Variants in TRPS1 observed in about 807,000 individuals in gnomAD.
TRPS1 encodes the protein zinc finger transcription factor Trps1.
TRPS1 carries 6 observed loss-of-function variants against 101.2 expected under a neutral mutation model. The observed-to-expected ratio is 0.06, with a 90% confidence interval of 0.03 to 0.12. TRPS1 has a LOEUF of 0.12. TRPS1 is among the 10% of genes least tolerant of loss of function. The pLI, the probability that TRPS1 is intolerant of heterozygous loss-of-function variation, is 1.00. For synonymous variants in TRPS1, 578 were observed against 589.8 expected, an observed-to-expected ratio of 0.98 and a Z score of 0.29; for missense variants, 1,363 against 1,567.0, an observed-to-expected ratio of 0.87 and a Z score of 2.20.
rs765333232 is a variant in TRPS1, at chr8:115,492,480, TGCGTGC to T, written c.2701-74034_2701-74029del. 8.6e-5 allele frequency among the ~76,000 whole-genome samples: 10 copies of T among 116,124 alleles called. No homozygotes were observed. In the East Asian group the frequency reaches 1.9e-3, roughly 22 times the overall value. 76.2% of individuals were successfully genotyped at this position (116,124 alleles called of 152,430 possible). On this transcript the variant is annotated intron_variant, in intron 5 of 6. Coordinates refer to ENST00000395715, the MANE Select transcript of TRPS1 (RefSeq NM_014112.5). ...CACTGTGTGTGTGTGTGTGTGTGTGTGCGTGCGTGTGCGTGTTCGTGTGTGTGTGTA... is the reference window on the plus strand; with the variant it reads ...CACTGTGTGTGTGTGTGTGTGTGTGTGTGTGCGTGTTCGTGTGTGTGTGTA...
chr8:115,472,872 C>T (rs1054980411), intron 5 of TRPS1, among the ~76,000 whole-genome samples: 1 of 152,202 alleles, frequency 6.6e-6, no homozygotes, highest in East Asian at 1.9e-4. Context: ...CAGCAAGAGT[C>T]ACCCTTATTC....
At chr8:115,451,138 T>C (rs868406239) in intron 5 of TRPS1, among the ~76,000 whole-genome samples, 1 of 152,218 alleles carries the variant, frequency 6.6e-6, no homozygotes, top group African/African-American at 2.4e-5. Context: ...AAAACCTGTA[T>C]ATTCATGTTG....
At chr8:115,539,092 C>T (rs1418825812) in intron 5 of TRPS1, among the ~76,000 whole-genome samples, 1 of 152,130 alleles carries the variant, frequency 6.6e-6, no homozygotes, top group East Asian at 1.9e-4. Flanking sequence ...ACTCTACTTC[C>T]TGATTTGTTA....
chr8:115,424,507 G>A (rs940577925), intron 5 of TRPS1, among the ~76,000 whole-genome samples: 1 of 152,176 alleles, frequency 6.6e-6, no homozygotes, highest in East Asian at 1.9e-4. Context: ...TTTTCCAGTG[G>A]AATCTTCTAA....
intron 4 of TRPS1, among the ~76,000 whole-genome samples, chr8:115,588,653 TTAAC>T (rs1817619504): frequency 6.6e-6 from 1 of 152,202 alleles, no homozygotes; most frequent in Non-Finnish European, 1.5e-5. Flanking sequence ...CATATTTTGT[TTAAC>T]TATAAAAACT....
chr8:115,655,635 G>C (rs1454288189), intron 1 of TRPS1, among the ~76,000 whole-genome samples: 1 of 151,930 alleles, frequency 6.6e-6, no homozygotes, highest in African/African-American at 2.4e-5. Flanking sequence ...ATGATCTTTT[G>C]TCAAAAAACA....
chr8:115,595,709 T>A (rs1817769826), intron 4 of TRPS1, among the ~76,000 whole-genome samples: 1 of 151,938 alleles, frequency 6.6e-6, no homozygotes, highest in African/African-American at 2.4e-5. Context: ...AATAGGAAAT[T>A]ATTTATACAA....
intron 5 of TRPS1, among the ~76,000 whole-genome samples, chr8:115,529,123 A>G (rs2130256907): frequency 6.6e-6 from 1 of 152,214 alleles, no homozygotes; most frequent in Admixed American, 6.5e-5. Context: ...GGAAATGTAC[A>G]TGAAAAACTG....
At position 115,409,272 on chromosome 8, in the gene TRPS1, A is replaced by AAAACAAAC. The variant is rs1812730717; in HGVS notation, c.*4750_*4751insGTTTGTTT. 6.7e-6 allele frequency: 1 copy of AAAACAAAC among 149,222 alleles called. No individual in the cohort carries two copies. Among genetic ancestry groups the AAAACAAAC allele is most frequent in the African/African-American group, 2.5e-5 (1 of 40,460 alleles). 9.2% of individuals were successfully genotyped at this position (149,222 alleles called of 1,614,324 possible). The stretch of plus-strand genomic sequence containing the variant: ...AGTTTATATGTTGGGAAAAAAAAAA[A>AAAACAAAC]AAAAAAAAACAGGGGAAAACCAGAA... On this transcript the variant is annotated 3_prime_UTR_variant, in exon 7 of 7. Coordinates refer to ENST00000395715, the MANE Select transcript of TRPS1 (RefSeq NM_014112.5).
Position 115,604,551 on chromosome 8 carries a change from C to T in TRPS1, c.1418G>A (p.Gly473Glu), listed in dbSNP as rs754627494. The T allele has an allele frequency of 3.1e-6, 5 of 1,614,082 alleles. No individual in the cohort carries two copies. The highest frequency in any genetic ancestry group is 1.1e-5 in the South Asian group (1 of 91,080). Residue 473 changes from glycine to glutamate, a missense_variant, in exon 4 of 7, where the codon GGA becomes GAA. Coordinates refer to ENST00000395715, the MANE Select transcript of TRPS1 (RefSeq NM_014112.5). The surrounding 1 kb of genome is among the most constrained non-coding windows in gnomAD (Gnocchi z 4.1). ...KLLEHYGKQH[G>E]AVQSGGLNPE... ...ATTAAGGCCGCCTGACTGCACTGCT[C>T]CGTGCTGCTTGCCATAATGTTCTAG...
intron 5 of TRPS1, among the ~76,000 whole-genome samples, chr8:115,555,665 C>T (rs1323517997): frequency 6.6e-6 from 1 of 152,118 alleles, no homozygotes; most frequent in African/African-American, 2.4e-5. Context: ...CAGTCGCCAG[C>T]ACTCAAATAG....
chr8:115,615,905 T>G (rs751760155), intron 3 of TRPS1, among the ~76,000 whole-genome samples: 4 of 152,268 alleles, frequency 2.6e-5, no homozygotes, highest in Non-Finnish European at 5.9e-5. Flanking sequence ...CCAATCATGC[T>G]GCATCTATGA....
At position 115,462,447 on chromosome 8, in the gene TRPS1, A is replaced by C. The variant is rs552315160; in HGVS notation, c.2701-43995T>G. Among the ~76,000 whole-genome samples the C allele has an allele frequency of 1.1e-4, 17 of 152,286 alleles. No individual in the cohort carries two copies. The East Asian group carries it at 3.3e-3, about 29-fold the overall frequency. On this transcript the variant is annotated intron_variant, in intron 5 of 6. Coordinates refer to ENST00000395715, the MANE Select transcript of TRPS1 (RefSeq NM_014112.5). ...CCATATATTAGCTTTCTAATGTATA[A>C]AATGGAGATGACAATGGTATCTACC...
intron 1 of TRPS1, among the ~76,000 whole-genome samples, chr8:115,624,651 T>C (rs1336317517): frequency 6.6e-6 from 1 of 151,964 alleles, no homozygotes; most frequent in Non-Finnish European, 1.5e-5. Flanking sequence ...CAAATCTAAA[T>C]GCTTTGCTTT....
intron 4 of TRPS1, among the ~76,000 whole-genome samples, chr8:115,591,128 C>G (rs1317718326): frequency 6.6e-6 from 1 of 152,122 alleles, no homozygotes; most frequent in Non-Finnish European, 1.5e-5. Flanking sequence ...TCAAGCTTTA[C>G]TCTTTTTTCA....
chr8:115,493,974 C>G (rs1362934187), intron 5 of TRPS1, among the ~76,000 whole-genome samples: 1 of 152,116 alleles, frequency 6.6e-6, no homozygotes, highest in Non-Finnish European at 1.5e-5. Flanking sequence ...ATATCTTTCA[C>G]AAGGTTCTGT....
chr8:115,627,582 A>G (rs1287760351), intron 1 of TRPS1, among the ~76,000 whole-genome samples: 2 of 151,874 alleles, frequency 1.3e-5, no homozygotes, highest in Non-Finnish European at 2.9e-5. Flanking sequence ...TTATATGTAA[A>G]TTAGATTTTC....
intron 5 of TRPS1, among the ~76,000 whole-genome samples, chr8:115,570,453 T>C (rs1465715838): frequency 6.6e-6 from 1 of 152,072 alleles, no homozygotes; most frequent in African/African-American, 2.4e-5. Flanking sequence ...TAAAGATATA[T>C]TGATTTTAGA....
intron 6 of TRPS1, among the ~76,000 whole-genome samples, chr8:115,416,821 AT>A (rs2129761103): frequency 6.6e-6 from 1 of 152,178 alleles, no homozygotes; most frequent in South Asian, 2.1e-4. Context: ...TGCCATGTGC[AT>A]TTCTTTTGCT....
Sources: allele counts gnomAD v4.1 joint callset (sites outside exome capture counted in the v4.1 genomes callset), GRCh38; gene constraint gnomAD v4.1.1; non-coding constraint Gnocchi (gnomAD v3.1); transcripts MANE v1.5; gene names NCBI Gene and HGNC (gene_info 2026-07-23, HGNC 2026-07-21).